The following EDEM3 variants were observed in gnomAD, a reference collection of about 807,000 sequenced individuals.
EDEM3 encodes the protein ER degradation-enhancing alpha-mannosidase-like protein 3.
EDEM3 carries 60 observed loss-of-function variants against 110.2 expected under a neutral mutation model. That is an observed-to-expected ratio of 0.54 (90% CI 0.44 to 0.67). The LOEUF (loss-of-function observed/expected upper bound fraction) is 0.67, where lower values mean the gene tolerates loss of function less well. EDEM3 is among the 30% of genes least tolerant of loss of function. The probability of loss-of-function intolerance (pLI) is 0.00; values close to 1 mark genes in which losing one functional copy is unlikely to be tolerated. For synonymous variants in EDEM3, 352 were observed against 382.9 expected (o/e 0.92, Z 0.94); for missense variants, 996 against 1,121.0 (o/e 0.89, Z 1.59).
At chr1:184,749,616 G>GA (rs35957626) in intron 1 of EDEM3, 24 bp from the exon 2 acceptor site, 46,407 of 1,126,540 alleles carry the variant, frequency 0.041, 11 homozygotes, top group African/African-American at 0.063. Context: ...AGCAGAAATG[G>GA]AAAAAAAAAA....
At chr1:184,729,768 A>G (rs1651396298) in intron 6 of EDEM3, among the ~76,000 whole-genome samples, 1 of 152,218 alleles carries the variant, frequency 6.6e-6, no homozygotes, top group South Asian at 2.1e-4. Flanking sequence ...ACTTCAGAGT[A>G]TAAGAAAATA....
Position 184,749,601 on chromosome 1 carries a change from A to T in EDEM3, c.159-9T>A. The T allele has an allele frequency of 6.6e-7, 1 of 1,512,510 alleles. No individual in the cohort carries two copies. Among genetic ancestry groups the T allele is most frequent in the Non-Finnish European group, 8.9e-7 (1 of 1,122,006 alleles). The allele number at this position is 1,512,510 out of a possible 1,614,324, so 93.7% of individuals were successfully genotyped here. Reference sequence around the variant, plus strand: ...TTTCCAGTACTTGATTCCTAATTTTAAAAGAGCAGAAATGGAAAAAAAAAA... The same window carrying T: ...TTTCCAGTACTTGATTCCTAATTTTTAAAGAGCAGAAATGGAAAAAAAAAA... On this transcript the variant is annotated splice_polypyrimidine_tract_variant and intron_variant, in intron 1 of 19. Transcript: ENST00000318130.
rs763043162 is a variant in EDEM3 at position 184,723,764 on chromosome 1, A to G, written c.840T>C (p.Asp280=). 1.6e-5 allele frequency: 25 copies of G among 1,598,700 alleles called. No homozygotes were observed. Among genetic ancestry groups the G allele is most frequent in the Non-Finnish European group, 2.0e-5 (23 of 1,175,166 alleles). ...TAACTTACATACCTTTTCGTACCCA[A>G]TCTCCAGTATGAATATTTATAGTCA... is the stretch of plus-strand genomic sequence containing the variant. ...VGVTINIHTG[D]WVRKDSGVGA... is the part of the protein sequence containing the mutation. Residue 280 remains aspartate, a synonymous_variant, in exon 8 of 20, where the codon GAT becomes GAC. Transcript: ENST00000318130.
At chr1:184,727,466 G>C (rs1043838188) in intron 6 of EDEM3, among the ~76,000 whole-genome samples, 6 of 152,028 alleles carry the variant, frequency 3.9e-5, no homozygotes, top group Non-Finnish European at 5.9e-5. Flanking sequence ...GTATACTCTT[G>C]GTTCAGTTAT....
At chr1:184,724,611 T>C (rs1651093782) in intron 7 of EDEM3, among the ~76,000 whole-genome samples, 1 of 152,224 alleles carries the variant, frequency 6.6e-6, no homozygotes, top group Admixed American at 6.5e-5. Flanking sequence ...GAAGGACTTC[T>C]ATAAAAGAAA....
chr1:184,723,907 A>T (rs927009317), intron 7 of EDEM3, 51 bp from the exon 8 acceptor site: 1 of 1,376,056 alleles, frequency 7.3e-7, no homozygotes. Flanking sequence ...TTGAAGAACT[A>T]AGTCTCTTTG....
chr1:184,752,996 ATATT>A (rs1652848720), intron 1 of EDEM3, among the ~76,000 whole-genome samples: 1 of 152,198 alleles, frequency 6.6e-6, no homozygotes, highest in Non-Finnish European at 1.5e-5. Flanking sequence ...AAAATGTAAG[ATATT>A]TATTAGAGTT....
At position 184,748,458 on chromosome 1, in the gene EDEM3, AAC is replaced by A. The variant is rs1652566475; in HGVS notation, c.204+1087_204+1088del. ...AGCACAACTCCGTCTCAAAAAAAAA[AAC>A]AAAAAACAAAAAACAAAAAAAACAT... On this transcript the variant is annotated intron_variant, in intron 2 of 19. Transcript: ENST00000318130. Among the ~76,000 whole-genome samples, 3 of 152,088 alleles carry A rather than the reference AAC, an allele frequency of 2.0e-5. 1 individual carries two copies. The South Asian group carries it at 6.2e-4, about 32-fold the overall frequency.
chr1:184,739,557 C>T (rs1222032637), intron 2 of EDEM3, among the ~76,000 whole-genome samples: 1 of 151,908 alleles, frequency 6.6e-6, no homozygotes, highest in Non-Finnish European at 1.5e-5. Flanking sequence ...TCTCAGAATA[C>T]AGTAGGTCAC....
chr1:184,742,987 C>A (rs180903405), intron 2 of EDEM3, among the ~76,000 whole-genome samples: 1 of 152,146 alleles, frequency 6.6e-6, no homozygotes, highest in Non-Finnish European at 1.5e-5. Flanking sequence ...TTCTAACACA[C>A]AGACACACAC....
At chr1:184,718,287 T>A (rs1280612037) in intron 11 of EDEM3, among the ~76,000 whole-genome samples, 1 of 152,076 alleles carries the variant, frequency 6.6e-6, no homozygotes, top group Non-Finnish European at 1.5e-5. Context: ...TTCAATAACA[T>A]AATCAATTGG....
rs758045939 is a variant in EDEM3, at chr1:184,694,091, A to T, written c.2771T>A (p.Phe924Tyr). 1 of 1,612,648 alleles carries T rather than the reference A, an allele frequency of 6.2e-7. No homozygotes were observed. The highest frequency in any genetic ancestry group is 1.1e-5 in the South Asian group (1 of 90,984). ...LADWNEDIEA[F>Y]EMMEKDEL ...TAGCTCATCCTTCTCCATCATTTCAAATGCTTCTATATCTTCATTCCAGTC... is the reference window on the plus strand; with the variant it reads ...TAGCTCATCCTTCTCCATCATTTCATATGCTTCTATATCTTCATTCCAGTC... The change falls in exon 20 of 20, where the codon TTT becomes TAT. Residue 924 changes from phenylalanine to tyrosine, a missense_variant. By Grantham distance (22) the Phe-to-Tyr change is conservative. This residue lies in a region of EDEM3 where 345 missense variants were observed against 402.0 expected (regional missense o/e 0.86). Transcript: ENST00000318130.
chr1:184,743,111 C>T lies in EDEM3; in HGVS notation c.205-5400G>A, dbSNP rs191225300. 3.3e-5 allele frequency among the ~76,000 whole-genome samples: 5 copies of T among 152,238 alleles called. No individual in the cohort carries two copies. The East Asian group carries it at 9.6e-4, about 29-fold the overall frequency. ...AATAGCAATTGCAACCCAGAATAAT[C>T]AAATAAGGGAGTTTCAAACCAGGTG... is the stretch of plus-strand genomic sequence containing the variant. On this transcript the variant is annotated intron_variant, in intron 2 of 19. Transcript: ENST00000318130.
chr1:184,723,759 A>G lies in EDEM3; in HGVS notation c.845T>C (p.Val282Ala), dbSNP rs1390703707. ...AAGCCTAACTTACATACCTTTTCGT[A>G]CCCAATCTCCAGTATGAATATTTAT... The part of the protein sequence containing the change: ...VTINIHTGDW[V>A]RKDSGVGAGI... Residue 282 changes from valine (V) to alanine (A), a missense_variant, in exon 8 of 20, where the codon GTA becomes GCA. Val to Ala is a moderately conservative substitution (Grantham distance 64). Coordinates refer to ENST00000318130, the MANE Select transcript of EDEM3 (RefSeq NM_025191.4). The G allele has an allele frequency of 6.3e-7, 1 of 1,596,874 alleles. No individual in the cohort carries two copies. The highest frequency in any genetic ancestry group is 1.2e-5 in the South Asian group (1 of 86,640).
chr1:184,697,936 A>T (rs1649414487), intron 19 of EDEM3, among the ~76,000 whole-genome samples: 1 of 151,598 alleles, frequency 6.6e-6, no homozygotes, highest in Non-Finnish European at 1.5e-5. Flanking sequence ...TCTTTTCTAG[A>T]TAATTTATAG....
chr1:184,715,722 C>A (rs1650510037), intron 13 of EDEM3, among the ~76,000 whole-genome samples: 1 of 152,150 alleles, frequency 6.6e-6, no homozygotes, highest in South Asian at 2.1e-4. Context: ...ATTAGTTAAA[C>A]ACATAAAATG....
chr1:184,741,596 C>T (rs1057035965), intron 2 of EDEM3, among the ~76,000 whole-genome samples: 3 of 152,050 alleles, frequency 2.0e-5, no homozygotes, highest in Non-Finnish European at 2.9e-5. Context: ...ACATTCTGGT[C>T]TGGAACCATA....
intron 2 of EDEM3, among the ~76,000 whole-genome samples, chr1:184,745,522 G>A (rs1247644432): frequency 6.6e-6 from 1 of 152,000 alleles, no homozygotes; most frequent in Non-Finnish European, 1.5e-5. Flanking sequence ...CCACAAAACT[G>A]TAAACTTAAA....
rs1652282568 is a variant in EDEM3, at chr1:184,744,024, G to A, written c.204+5523C>T. Among the ~76,000 whole-genome samples, 3 of 151,228 alleles carry A rather than the reference G, an allele frequency of 2.0e-5. No individual in the cohort carries two copies. In the South Asian group the frequency reaches 6.2e-4, roughly 31 times the overall value. ...GAAAAAATTTGTGACATTGGGCTAG[G>A]CAAATATTTTTTAGGTAGGCTATAA... On this transcript the variant is annotated intron_variant, in intron 2 of 19. Coordinates refer to ENST00000318130, the MANE Select transcript of EDEM3 (RefSeq NM_025191.4).
Sources: gnomAD v4.1 joint callset for allele counts (sites outside exome capture counted in the v4.1 genomes callset) on GRCh38, gnomAD v4.1.1 for gene constraint, gnomAD v4.1.1 regional missense constraint, MANE v1.5 for transcripts, NCBI Gene and HGNC (gene_info 2026-07-23, HGNC 2026-07-21) for gene names.